Variants in ENPP4 observed in about 807,000 individuals in gnomAD.
ENPP4 encodes the protein bis(5'-adenosyl)-triphosphatase ENPP4.
Under a neutral mutation model 33.4 loss-of-function variants are expected in ENPP4, and 18 were observed. The observed-to-expected ratio is 0.54, with a 90% CI of 0.37 to 0.80. ENPP4 has a LOEUF of 0.80. Ranked by LOEUF, ENPP4 falls within the 30% of genes least tolerant of loss-of-function variation. The pLI, the probability that ENPP4 is intolerant of heterozygous loss-of-function variation, is 0.00. For missense variants in ENPP4, 480 were observed against 541.7 expected, an observed-to-expected ratio of 0.89 and a Z score of 1.13; for synonymous variants, 172 against 189.9, an observed-to-expected ratio of 0.91 and a Z score of 0.78.
Position 46,144,711 on chromosome 6 carries a change from G to A in ENPP4, c.*1071G>A, listed in dbSNP as rs1764118901. ...TTTGACTGGGACAGAATGAGGAATG[G>A]AGATTTTTGTATTTATCTTTGGGAC... On this transcript the variant is annotated 3_prime_UTR_variant, in exon 4 of 4. Coordinates refer to ENST00000321037, the MANE Select transcript of ENPP4 (RefSeq NM_014936.5). The A allele has an allele frequency of 1.1e-5, 4 of 360,894 alleles. No homozygotes were observed. In the South Asian group the frequency reaches 6.0e-4, roughly 54 times the overall value. The allele number at this position is 360,894 out of a possible 1,614,324, so 22.4% of individuals were successfully genotyped here. A position where few individuals can be genotyped will look rare whatever the true frequency, so the allele number is the denominator to read the frequency against.
intron 2 of ENPP4, 115 bp downstream of exon 2, chr6:46,140,524 CAG>C (rs1764044112): frequency 1.6e-6 from 1 of 640,406 alleles, no homozygotes; most frequent in East Asian, 2.8e-5. Flanking sequence ...ACCATATACT[CAG>C]AGTGGGATTA....
rs745387420 is a variant in ENPP4 at position 46,140,006 on chromosome 6, ACC to A, written c.425_426del (p.Pro142HisfsTer19). On this transcript the variant is annotated frameshift_variant, in exon 2 of 4. Coordinates refer to ENST00000321037, the MANE Select transcript of ENPP4 (RefSeq NM_014936.5). LOFTEE classifies it high-confidence loss of function. ...CTGCTATGTGGCCTGGTACTGATGT[ACC>A]CATTCACGATACCATCTCTTCCTAT... ...AAAMWPGTDVPIHDTISSYFM... is the reference protein window; with the variant it reads ...AAAMWPGTDVXIHDTISSYFM... 1.2e-6 allele frequency: 2 copies of A among 1,612,748 alleles called. No homozygotes were observed. The highest frequency in any genetic ancestry group is 3.3e-5 in the Admixed American group (2 of 59,880).
chr6:46,135,028 T>A (rs1343052315), intron 1 of ENPP4, among the ~76,000 whole-genome samples: 1 of 152,130 alleles, frequency 6.6e-6, no homozygotes, highest in Non-Finnish European at 1.5e-5. Context: ...CCTTCCTTTT[T>A]GTGTCAAATA....
Position 46,140,153 on chromosome 6 carries a change from A to C in ENPP4, c.570A>C (p.Ala190=). The change falls in exon 2 of 4, where the codon GCA becomes GCC. Residue 190 remains alanine (A), a synonymous_variant. Coordinates refer to ENST00000321037, the MANE Select transcript of ENPP4 (RefSeq NM_014936.5). ...FATLYWEEPD[A]SGHKYGPEDK... ...CACTATATTGGGAAGAACCAGATGC[A>C]AGTGGCCACAAATACGGACCTGAAG... 1 of 1,612,712 alleles carries C rather than the reference A, an allele frequency of 6.2e-7. No homozygotes were observed. The highest frequency in any genetic ancestry group is 8.5e-7 in the Non-Finnish European group (1 of 1,179,106).
chr6:46,143,211 G>A, intron 3 of ENPP4, 65 bp from the exon 4 acceptor site: 1 of 1,457,016 alleles, frequency 6.9e-7, no homozygotes, highest in Non-Finnish European at 9.2e-7. Context: ...TTATATACTA[G>A]AAGCAAGTTA....
intron 3 of ENPP4, among the ~76,000 whole-genome samples, chr6:46,142,000 G>A (rs143894302): frequency 2.0e-4 from 30 of 151,432 alleles, no homozygotes; most frequent in East Asian, 7.7e-4. Context: ...GGTGTGCTTC[G>A]GTGAAACTCT....
At chr6:46,130,785 C>T (rs1421298360) in intron 1 of ENPP4, among the ~76,000 whole-genome samples, 1 of 152,156 alleles carries the variant, frequency 6.6e-6, no homozygotes, top group Non-Finnish European at 1.5e-5. Flanking sequence ...ATAGCATTCC[C>T]ATTTTACAGA....
At position 46,143,599 on chromosome 6, in the gene ENPP4, C is replaced by T; in HGVS notation, c.1321C>T (p.Leu441Phe). Residue 441 changes from leucine (L) to phenylalanine (F), a missense_variant, in exon 4 of 4, where the codon CTT becomes TTT. Coordinates refer to ENST00000321037, the MANE Select transcript of ENPP4 (RefSeq NM_014936.5). ...TTCTGTACCTCGTCCATTTTCTCGA[C>T]TTCAGCTACAAGAAGATGATGATGA... The part of the protein sequence containing the change: ...RLSVPRPFSR[L>F]QLQEDDDDPL... The T allele has an allele frequency of 6.2e-7, 1 of 1,611,900 alleles. No homozygotes were observed. The highest frequency in any genetic ancestry group is 8.5e-7 in the Non-Finnish European group (1 of 1,178,506).
At position 46,139,723 on chromosome 6, in the gene ENPP4, C is replaced by T. The variant is rs1764027362; in HGVS notation, c.140C>T (p.Pro47Leu). 3 of 1,611,310 alleles carry T rather than the reference C, an allele frequency of 1.9e-6. No homozygotes were observed. The highest frequency in any genetic ancestry group is 1.7e-6 in the Non-Finnish European group (2 of 1,178,350). The change falls in exon 2 of 4, where the codon CCT becomes CTT. Residue 47 changes from proline to leucine, a missense_variant. Around this residue, in one of 3 missense-constraint regions of ENPP4, gnomAD observed 227 missense variants for 273.7 expected, o/e 0.83. Coordinates refer to ENST00000321037, the MANE Select transcript of ENPP4 (RefSeq NM_014936.5). The stretch of plus-strand genomic sequence containing the variant: ...GATTATCTGAAGAACTATGAATTTC[C>T]TCATCTCCAGAATTTTATCAAAGAA... Reference protein sequence around the residue: ...RADYLKNYEFPHLQNFIKEGV... With the variant: ...RADYLKNYEFLHLQNFIKEGV...
Position 46,140,368 on chromosome 6 carries a change from T to G in ENPP4, c.785T>G (p.Leu262Arg). 3 of 1,597,034 alleles carry G rather than the reference T, an allele frequency of 1.9e-6. No homozygotes were observed. Among genetic ancestry groups the G allele is most frequent in the Non-Finnish European group, 2.6e-6 (3 of 1,174,210 alleles). ...DSCIDHSYYTLIDLSPVAAIL... is the reference protein window; with the variant it reads ...DSCIDHSYYTRIDLSPVAAIL... ...TGCATCGATCATTCATACTACACTC[T>G]TATAGATTTGAGCCCAGTTGCTGCA... is the stretch of plus-strand genomic sequence containing the variant. Residue 262 changes from leucine to arginine, a missense_variant, in exon 2 of 4, where the codon CTT (leucine) becomes CGT (arginine). By Grantham distance (102) the Leu-to-Arg change is moderately radical. Coordinates refer to ENST00000321037, the MANE Select transcript of ENPP4 (RefSeq NM_014936.5).
chr6:46,142,450 TATATA>T (rs1434227833), intron 3 of ENPP4, among the ~76,000 whole-genome samples: 1 of 120,884 alleles, frequency 8.3e-6, no homozygotes, highest in Non-Finnish European at 1.8e-5. Flanking sequence ...TAGAATATAT[TATATA>T]TTATATATAG....
Position 46,143,822 on chromosome 6 carries a change from C to T in ENPP4, c.*182C>T, listed in dbSNP as rs533016469. On this transcript the variant is annotated 3_prime_UTR_variant, in exon 4 of 4. Transcript: ENST00000321037. ...TTCGGTGCATTTGCTAATAAGATAA[C>T]GCTGACCATAGTAAAATTGTTAGTA... 1,560 of 253,464 alleles carry T rather than the reference C, an allele frequency of 6.2e-3. 18 individuals are homozygous for T. The highest frequency in any genetic ancestry group is 0.04 in the African/African-American group (1,377 of 34,382). 15.7% of individuals were successfully genotyped at this position (253,464 alleles called of 1,614,324 possible).
At chr6:46,136,398 A>T (rs1377608681) in intron 1 of ENPP4, among the ~76,000 whole-genome samples, 1 of 151,972 alleles carries the variant, frequency 6.6e-6, no homozygotes, top group Non-Finnish European at 1.5e-5. Flanking sequence ...CTTCATATGT[A>T]GGAACTAATT....
rs1764129195 is a variant in ENPP4, at chr6:46,145,501, A to G, written c.*1861A>G. On this transcript the variant is annotated 3_prime_UTR_variant, in exon 4 of 4. Coordinates refer to ENST00000321037, the MANE Select transcript of ENPP4 (RefSeq NM_014936.5). ...AAAATTCTACTTTAATTTCCATTAA[A>G]AAGCAAATAGCATTGACACATTTAA... 1 of 151,942 alleles carries G rather than the reference A, an allele frequency of 6.6e-6. No individual in the cohort carries two copies. The highest frequency in any genetic ancestry group is 2.1e-4 in the South Asian group (1 of 4,838). 9.4% of individuals were successfully genotyped at this position (151,942 alleles called of 1,614,324 possible). A position where few individuals can be genotyped will look rare whatever the true frequency, so the allele number is the denominator to read the frequency against.
Position 46,141,147 on chromosome 6 carries a change from A to G in ENPP4, c.922A>G (p.Asn308Asp), listed in dbSNP as rs766867141. ...DIPNRFYYQH[N>D]DRIQPIILVA... is the part of the protein sequence containing the mutation. ...TCCTAACAGATTTTATTACCAACAT[A>G]ATGATCGAATTCAGCCCATTATTTT... The change falls in exon 3 of 4, where the codon AAT (asparagine) becomes GAT (aspartate). Residue 308 changes from asparagine (N) to aspartate (D), a missense_variant. By Grantham distance (23) the Asn-to-Asp change is conservative. Around this residue, in one of 3 missense-constraint regions of ENPP4, gnomAD observed 249 missense variants for 251.8 expected, o/e 0.99. Transcript: ENST00000321037. The G allele has an allele frequency of 1.2e-6, 2 of 1,609,228 alleles. No homozygotes were observed. The highest frequency in any genetic ancestry group is 8.5e-7 in the Non-Finnish European group (1 of 1,176,502).
At chr6:46,140,471 G>A in intron 2 of ENPP4, 62 bp downstream of exon 2, 1 of 985,044 alleles carries the variant, frequency 1.0e-6, no homozygotes, top group Non-Finnish European at 1.5e-6. Flanking sequence ...TGAGGGGGGT[G>A]GGTTGTATAA....
Position 46,142,352 on chromosome 6 carries a change from A to AT in ENPP4, c.998-923dup, listed in dbSNP as rs1562061012. ...ATTATATGTAATATAATTATATGTA[A>AT]TATATATAATATATATAATGTATAT... On this transcript the variant is annotated intron_variant, in intron 3 of 3. Coordinates refer to ENST00000321037, the MANE Select transcript of ENPP4 (RefSeq NM_014936.5). 4.9e-5 allele frequency among the ~76,000 whole-genome samples: 4 copies of AT among 81,896 alleles called. No homozygotes were observed. The East Asian group carries it at 8.0e-4, about 16-fold the overall frequency. 53.7% of individuals were successfully genotyped at this position (81,896 alleles called of 152,430 possible).
chr6:46,143,335 G>T lies in ENPP4; in HGVS notation c.1057G>T (p.Gly353Ter), dbSNP rs369006780. Residue 353 changes from glycine (G) to a stop codon, truncating the protein, a stop_gained, in exon 4 of 4, where the codon GGA becomes TGA. Coordinates refer to ENST00000321037, the MANE Select transcript of ENPP4 (RefSeq NM_014936.5). LOFTEE classifies it high-confidence loss of function. ...TATGCATCCATTTCTAGCTGCCCAC[G>T]GACCTGCATTTCACAAAGGCTACAA... is the stretch of plus-strand genomic sequence containing the variant. The part of the protein sequence containing the change: ...PSMHPFLAAH[G>*]PAFHKGYKHS... 1 of 1,608,990 alleles carries T rather than the reference G, an allele frequency of 6.2e-7. No individual in the cohort carries two copies.
chr6:46,135,535 T>C (rs1302602026), intron 1 of ENPP4, among the ~76,000 whole-genome samples: 2 of 152,082 alleles, frequency 1.3e-5, no homozygotes, highest in Non-Finnish European at 2.9e-5. Context: ...TATTGAGTTG[T>C]AGCAATTCTT....
Sources: allele counts gnomAD v4.1 joint callset (sites outside exome capture counted in the v4.1 genomes callset), GRCh38; gene constraint gnomAD v4.1.1; regional missense constraint gnomAD v4.1.1; transcripts MANE v1.5; gene names NCBI Gene and HGNC (gene_info 2026-07-23, HGNC 2026-07-21).